UROS: variants seen among roughly 807,000 people sequenced by gnomAD.
The protein encoded by UROS is uroporphyrinogen-III synthase.
In UROS, 18 loss-of-function variants were observed where a neutral mutation model predicts 33.0. That is an observed-to-expected ratio of 0.55 (90% CI 0.38 to 0.81). The LOEUF (loss-of-function observed/expected upper bound fraction) is 0.81. Ranked by LOEUF, UROS falls within the 30% of genes least tolerant of loss-of-function variation. UROS has a pLI of 0.00. For missense variants in UROS, 293 were observed against 314.9 expected, an observed-to-expected ratio of 0.93 and a Z score of 0.53; for synonymous variants, 114 against 121.1, an observed-to-expected ratio of 0.94 and a Z score of 0.38.
chr10:125,786,567 T>A (rs769639764), downstream of UROS, among the ~76,000 whole-genome samples: 6 of 152,156 alleles, frequency 3.9e-5, no homozygotes, highest in Admixed American at 1.3e-4. Flanking sequence ...CCTGGCCACA[T>A]GAACCTCTTC....
chr10:125,812,335 A>C (rs565930044), intron 4 of UROS, 47 bp from the exon 5 acceptor site: 1 of 1,566,000 alleles, frequency 6.4e-7, no homozygotes, highest in African/African-American at 1.3e-5. Flanking sequence ...CAAAGTGGCC[A>C]TTTGGACTGT....
At position 125,794,405 on chromosome 10, in the gene UROS, A is replaced by G. The variant is rs1019293979; in HGVS notation, c.660+475T>C. 82 of 1,000,470 alleles carry G rather than the reference A, an allele frequency of 8.2e-5. No homozygotes were observed. In the South Asian group the frequency reaches 2.0e-3, roughly 24 times the overall value. 62.0% of individuals were successfully genotyped at this position (1,000,470 alleles called of 1,614,324 possible). On this transcript the variant is annotated intron_variant, in intron 9 of 9. Transcript: ENST00000368797. Reference sequence around the variant, plus strand: ...AGGGTGTTTCTATTACAGACACAAGAGTTGTGGTTATTTGTAGACTCATAA... The same window carrying G: ...AGGGTGTTTCTATTACAGACACAAGGGTTGTGGTTATTTGTAGACTCATAA...
intron 9 of UROS, chr10:125,794,278 T>C (rs1851167041): frequency 1.0e-6 from 1 of 968,370 alleles, no homozygotes; most frequent in Non-Finnish European, 1.2e-6. Flanking sequence ...AGAAGGCAGG[T>C]GAAGCCTTTT....
At chr10:125,806,547 T>A (rs1221051974) in intron 6 of UROS, among the ~76,000 whole-genome samples, 1 of 152,254 alleles carries the variant, frequency 6.6e-6, no homozygotes, top group Non-Finnish European at 1.5e-5. Flanking sequence ...CTCATGCTTC[T>A]GTTGCAGAGA....
intron 6 of UROS, among the ~76,000 whole-genome samples, chr10:125,804,242 T>C (rs146024019): frequency 6.6e-5 from 10 of 152,266 alleles, no homozygotes; most frequent in African/African-American, 2.2e-4. Context: ...ATTTAATCAA[T>C]GGTGCCTACA....
rs1306694984 is a variant in UROS, at chr10:125,816,079, G to T, written c.147+98C>A. ...TATGCTGCCATGTTTTAAAGTTTGG[G>T]AATAAAATAAGAAGACAGTAAAATA... is the stretch of plus-strand genomic sequence containing the variant. On this transcript the variant is annotated intron_variant, in intron 3 of 9. Coordinates refer to ENST00000368797, the MANE Select transcript of UROS (RefSeq NM_000375.3). The T allele has an allele frequency of 1.1e-5, 14 of 1,223,786 alleles. No homozygotes were observed. In the East Asian group the frequency reaches 3.3e-4, roughly 29 times the overall value. The allele number at this position is 1,223,786 out of a possible 1,614,324, so 75.8% of individuals were successfully genotyped here.
At chr10:125,802,440 C>T in intron 6 of UROS, 1 of 986,488 alleles carries the variant, frequency 1.0e-6, no homozygotes, top group Non-Finnish European at 1.2e-6. Context: ...GAACATTCCA[C>T]AGAAAGCAAC....
intron 9 of UROS, among the ~76,000 whole-genome samples, 183 bp downstream of exon 9, chr10:125,794,697 G>A (rs553466057): frequency 9.2e-5 from 14 of 152,176 alleles, no homozygotes; most frequent in African/African-American, 2.9e-4. Context: ...GTGAGGAAAC[G>A]GGCTGGGAGA....
intron 6 of UROS, among the ~76,000 whole-genome samples, chr10:125,799,262 G>A (rs1416690587): frequency 6.6e-6 from 1 of 152,202 alleles, no homozygotes; most frequent in Non-Finnish European, 1.5e-5. Context: ...AATGAATTGG[G>A]AGATTGTTAA....
chr10:125,817,505 C>T (rs544311860), intron 1 of UROS, among the ~76,000 whole-genome samples: 1 of 152,046 alleles, frequency 6.6e-6, no homozygotes, highest in African/African-American at 2.4e-5. Context: ...GACCTGAGCT[C>T]TGGTCTCAGC....
At chr10:125,818,864 C>T (rs1853595606) in intron 1 of UROS, among the ~76,000 whole-genome samples, 1 of 152,216 alleles carries the variant, frequency 6.6e-6, no homozygotes, top group East Asian at 1.9e-4. Flanking sequence ...CAATTTTACC[C>T]AGCATCTTTG....
rs117036224 is a variant in UROS at position 125,793,465 on chromosome 10, C to T, written c.660+1415G>A. Reference sequence around the variant, plus strand: ...TGACCCATCCTGACCTGCAATATGACGTAAGCGCTGGTCATATGGACCAGT... The same window carrying T: ...TGACCCATCCTGACCTGCAATATGATGTAAGCGCTGGTCATATGGACCAGT... On this transcript the variant is annotated intron_variant, in intron 9 of 9. Coordinates refer to ENST00000368797, the MANE Select transcript of UROS (RefSeq NM_000375.3). 7.0e-3 allele frequency: 1,073 copies of T among 152,292 alleles called. 11 individuals carry two copies. Among genetic ancestry groups the T allele is most frequent in the African/African-American group, 0.022 (895 of 41,510 alleles). 9.4% of individuals were successfully genotyped at this position (152,292 alleles called of 1,614,324 possible).
intron 9 of UROS, among the ~76,000 whole-genome samples, chr10:125,790,819 C>T (rs1011013449): frequency 9.4e-5 from 13 of 138,738 alleles, no homozygotes; most frequent in Non-Finnish European, 2.0e-4. Context: ...GGCCAGGCGC[C>T]GTGGCTCATG....
chr10:125,796,676 A>G lies in UROS; in HGVS notation c.476-488T>C, dbSNP rs1416650421. 6 of 680,330 alleles carry G rather than the reference A, an allele frequency of 8.8e-6. No individual in the cohort carries two copies. In the East Asian group the frequency reaches 6.8e-4, roughly 77 times the overall value. 42.1% of individuals were successfully genotyped at this position (680,330 alleles called of 1,614,324 possible). A position where few individuals can be genotyped will look rare whatever the true frequency, so the allele number is the denominator to read the frequency against. ...GCCTCAGTGTGTCCACTTGTACAAGAACTGATTAAGCCGTGGACTTTCCCA... is the reference window on the plus strand; with the variant it reads ...GCCTCAGTGTGTCCACTTGTACAAGGACTGATTAAGCCGTGGACTTTCCCA... On this transcript the variant is annotated intron_variant, in intron 7 of 9. Transcript: ENST00000368797.
intron 3 of UROS, among the ~76,000 whole-genome samples, chr10:125,815,551 A>C (rs1056707999): frequency 5.3e-5 from 8 of 152,164 alleles, no homozygotes; most frequent in African/African-American, 1.9e-4. Flanking sequence ...CAAAGAGGAT[A>C]ATGGTGATAT....
rs771772770 is a variant in UROS, at chr10:125,803,029, G to A, written c.394+4384C>T. 10 of 1,612,776 alleles carry A rather than the reference G, an allele frequency of 6.2e-6. No individual in the cohort carries two copies. The East Asian group carries it at 6.7e-5, about 11-fold the overall frequency. ...AGATTCCTTTGACTTCTTCACCTGA[G>A]GGAAGAGAAATGAGCATATTTTGGA... On this transcript the variant is annotated intron_variant, in intron 6 of 9. Transcript: ENST00000368797.
intron 4 of UROS, among the ~76,000 whole-genome samples, chr10:125,812,639 G>C (rs1332449083): frequency 6.6e-6 from 1 of 152,058 alleles, no homozygotes; most frequent in Non-Finnish European, 1.5e-5. Flanking sequence ...TAAAGAAAAA[G>C]ACACTGGTCA....
rs748180559 is a variant in UROS at position 125,788,982 on chromosome 10, C to T, written c.684G>A (p.Thr228=). 59 of 1,612,746 alleles carry T rather than the reference C, an allele frequency of 3.7e-5. No homozygotes were observed. In the Middle Eastern group the frequency reaches 4.9e-4, roughly 13 times the overall value. ...QIKFAAIGPT[T]ARALAAQGLP... ...GGCCCTGGGCGGCCAGCGCGCGAGCCGTAGTGGGGCCGATGGCTGCAAACT... is the reference window on the plus strand; with the variant it reads ...GGCCCTGGGCGGCCAGCGCGCGAGCTGTAGTGGGGCCGATGGCTGCAAACT... Residue 228 remains threonine, a synonymous_variant, in exon 10 of 10, where the codon ACG becomes ACA. Coordinates refer to ENST00000368797, the MANE Select transcript of UROS (RefSeq NM_000375.3).
At chr10:125,822,584 A>G (rs897706754) in intron 1 of UROS, among the ~76,000 whole-genome samples, 4 of 151,964 alleles carry the variant, frequency 2.6e-5, no homozygotes, top group African/African-American at 9.7e-5. Context: ...CGGCCTCCCA[A>G]AGTGCTGGGA....
Sources: allele counts gnomAD v4.1 joint callset (sites outside exome capture counted in the v4.1 genomes callset), GRCh38; gene constraint gnomAD v4.1.1; transcripts MANE v1.5; gene names NCBI Gene and HGNC (gene_info 2026-07-23, HGNC 2026-07-21).